LRP1: variants seen among roughly 807,000 people sequenced by gnomAD.
The protein encoded by LRP1 is LDL receptor related protein 1, also known as prolow-density lipoprotein receptor-related protein 1.
In LRP1, 51 loss-of-function variants were observed where a neutral mutation model predicts 541.5. That is an observed-to-expected ratio of 0.09 (90% CI 0.08 to 0.12). The LOEUF (loss-of-function observed/expected upper bound fraction) is 0.12, where lower values mean the gene tolerates loss of function less well. Among genes scored for constraint, LRP1 ranks in the 10% least tolerant of loss-of-function variants. The probability of loss-of-function intolerance (pLI) is 1.00; values close to 1 mark genes in which losing one functional copy is unlikely to be tolerated. For synonymous variants in LRP1, 2,219 were observed against 2,470.8 expected (o/e 0.90, Z 3.02); for missense variants, 3,878 against 6,376.2 (o/e 0.61, Z 13.34).
intron 6 of LRP1, among the ~76,000 whole-genome samples, chr12:57,150,507 A>G (rs2035507092): frequency 6.6e-6 from 1 of 152,018 alleles, no homozygotes; most frequent in Non-Finnish European, 1.5e-5. Context: ...ACTTCCTTCT[A>G]ATAGGGCAAG....
intron 1 of LRP1, among the ~76,000 whole-genome samples, chr12:57,136,623 A>G (rs1015073715): frequency 2.0e-5 from 3 of 152,192 alleles, no homozygotes; most frequent in African/African-American, 7.2e-5. Context: ...ACGAAAGGCC[A>G]GGAGACTGGG....
Position 57,169,212 on chromosome 12 carries a change from A to C in LRP1, c.3068A>C (p.Asn1023Thr). The C allele has an allele frequency of 6.2e-7, 1 of 1,614,068 alleles. No homozygotes were observed. The highest frequency in any genetic ancestry group is 8.5e-7 in the Non-Finnish European group (1 of 1,179,994). The change falls in exon 20 of 89, where the codon AAC (asparagine) becomes ACC (threonine). Residue 1023 changes from asparagine (N) to threonine (T), a missense_variant. Around this residue, in one of 13 missense-constraint regions of LRP1, gnomAD observed 320 missense variants for 547.9 expected, o/e 0.58. Coordinates refer to ENST00000243077, the MANE Select transcript of LRP1 (RefSeq NM_002332.3). ...TGTTCTAGCACCCAGTTCAAGTGCA[A>C]CAGCGGGCGTTGCATCCCCGAGCAC... ...HSCSSTQFKC[N>T]SGRCIPEHWT...
intron 2 of LRP1, among the ~76,000 whole-genome samples, chr12:57,139,899 C>A (rs1262525502): frequency 6.6e-6 from 1 of 152,210 alleles, no homozygotes; most frequent in African/African-American, 2.4e-5. Flanking sequence ...CAGATACACT[C>A]TCACTACCTA....
At chr12:57,194,950 C>A in intron 50 of LRP1, 35 bp from the exon 51 acceptor site, 6 of 1,559,224 alleles carry the variant, frequency 3.8e-6, no homozygotes, top group Non-Finnish European at 5.3e-6. Flanking sequence ...GACCCCCACC[C>A]TTCCCCATCT....
At chr12:57,141,970 C>T (rs2035301953) in intron 3 of LRP1, among the ~76,000 whole-genome samples, 1 of 152,160 alleles carries the variant, frequency 6.6e-6, no homozygotes, top group South Asian at 2.1e-4. Flanking sequence ...GAAGGCATCC[C>T]CCAGGAGCTG....
Position 57,195,764 on chromosome 12 carries a change from T to A in LRP1, c.8544T>A (p.Asp2848Glu). ...ACCGTGACTGTGCAGATGGCTCTGA[T>A]GAGTCCCCCGAGTGTGGTGAGCCTT... Reference protein sequence around the residue: ...DHDRDCADGSDESPECEYPTC... With the variant: ...DHDRDCADGSEESPECEYPTC... The change falls in exon 53 of 89, where the codon GAT becomes GAA. Residue 2848 changes from aspartate (D) to glutamate (E), a missense_variant. Asp to Glu is a conservative substitution (Grantham distance 45). Transcript: ENST00000243077. 1 of 1,614,138 alleles carries A rather than the reference T, an allele frequency of 6.2e-7. No individual in the cohort carries two copies. Among genetic ancestry groups the A allele is most frequent in the Non-Finnish European group, 8.5e-7 (1 of 1,179,980 alleles).
Position 57,156,655 on chromosome 12 carries a change from TA to T in LRP1, c.1418-118del. 2.5e-6 allele frequency: 3 copies of T among 1,199,348 alleles called. No individual in the cohort carries two copies. The highest frequency in any genetic ancestry group is 2.3e-6 in the Non-Finnish European group (2 of 881,998). The allele number at this position is 1,199,348 out of a possible 1,614,324, so 74.3% of individuals were successfully genotyped here. A position where few individuals can be genotyped will look rare whatever the true frequency, so the allele number is the denominator to read the frequency against. On this transcript the variant is annotated intron_variant, in intron 9 of 88. Transcript: ENST00000243077. The surrounding 1 kb of genome is among the most constrained non-coding windows in gnomAD (Gnocchi z 5.2). ...TTCCACCCCTGTGGCTTCCAAATCC[TA>T]AAATGGGATAGCAAGCACAAAGACC...
rs556828264 is a variant in LRP1 at position 57,177,854 on chromosome 12, C to T, written c.4361+263C>T. On this transcript the variant is annotated intron_variant, in intron 26 of 88. Coordinates refer to ENST00000243077, the MANE Select transcript of LRP1 (RefSeq NM_002332.3). The surrounding 1 kb of genome is among the most constrained non-coding windows in gnomAD (Gnocchi z 6.8). ...CATCCTCTCCACTCACCTGTCCTCT[C>T]CACTCTGTTCCCTCTGCTGGGGCTG... Among the ~76,000 whole-genome samples the T allele has an allele frequency of 6.6e-6, 1 of 152,242 alleles. No homozygotes were observed. Among genetic ancestry groups the T allele is most frequent in the East Asian group, 1.9e-4 (1 of 5,178 alleles).
chr12:57,206,390 C>G lies in LRP1; in HGVS notation c.11591-83C>G. On this transcript the variant is annotated intron_variant, in intron 75 of 88. Coordinates refer to ENST00000243077, the MANE Select transcript of LRP1 (RefSeq NM_002332.3). The surrounding 1 kb of genome is among the most constrained non-coding windows in gnomAD (Gnocchi z 4.7). ...CAGATGGTCCTACCAGGAGATGGGACAGTGTTCATGTGAAAGGAGCTGAGC... is the reference window on the plus strand; with the variant it reads ...CAGATGGTCCTACCAGGAGATGGGAGAGTGTTCATGTGAAAGGAGCTGAGC... 7.3e-7 allele frequency: 1 copy of G among 1,377,818 alleles called. No individual in the cohort carries two copies. The allele number at this position is 1,377,818 out of a possible 1,614,324, so 85.3% of individuals were successfully genotyped here. A position where few individuals can be genotyped will look rare whatever the true frequency, so the allele number is the denominator to read the frequency against.
chr12:57,199,743 C>T (rs2036608898), intron 61 of LRP1, 134 bp from the exon 62 acceptor site: 6 of 1,099,624 alleles, frequency 5.5e-6, no homozygotes, highest in South Asian at 1.7e-5. Context: ...GAATCCTCTC[C>T]TATCTCCAGC....
At chr12:57,198,757 A>C in intron 60 of LRP1, 87 bp downstream of exon 60, 2 of 1,300,866 alleles carry the variant, frequency 1.5e-6, no homozygotes, top group Non-Finnish European at 2.1e-6. Flanking sequence ...TTTGGGGGCA[A>C]GAGTGGACAT....
intron 11 of LRP1, among the ~76,000 whole-genome samples, chr12:57,159,046 T>C (rs1385484084): frequency 6.6e-6 from 1 of 152,206 alleles, no homozygotes; most frequent in East Asian, 1.9e-4. Flanking sequence ...CGCCAAAAAC[T>C]GCATGCTAAT....
intron 1 of LRP1, among the ~76,000 whole-genome samples, chr12:57,134,485 T>A (rs2035111912): frequency 6.6e-6 from 1 of 152,202 alleles, no homozygotes; most frequent in Admixed American, 6.5e-5. Context: ...ACAGTCTCAC[T>A]CCATCACCCA....
chr12:57,136,153 GC>G (rs2035159066), intron 1 of LRP1, among the ~76,000 whole-genome samples: 2 of 152,232 alleles, frequency 1.3e-5, no homozygotes, highest in African/African-American at 4.8e-5. Flanking sequence ...AGACCTCACA[GC>G]TGGCCCAGTG....
rs763953812 is a variant in LRP1, at chr12:57,162,864, C to A, written c.2411C>A (p.Thr804Asn). ...CCATGGCCCTTCCCCACAGTTGGCA[C>A]CAACAAATGCCGGGTGAACAATGGC... ...MYDAQQQQVG[T>N]NKCRVNNGGC... Residue 804 changes from threonine to asparagine, a missense_variant, in exon 15 of 89, where the codon ACC becomes AAC. Thr to Asn is a moderately conservative substitution (Grantham distance 65). Coordinates refer to ENST00000243077, the MANE Select transcript of LRP1 (RefSeq NM_002332.3). This position sits in a 1 kb window ranked among gnomAD's most constrained non-coding sequence, Gnocchi z 5.2. 8 of 1,609,240 alleles carry A rather than the reference C, an allele frequency of 5.0e-6. No individual in the cohort carries two copies. The highest frequency in any genetic ancestry group is 6.8e-6 in the Non-Finnish European group (8 of 1,178,194).
chr12:57,197,854 C>T lies in LRP1; in HGVS notation c.9282+190C>T, dbSNP rs1485999218. ...CAAGGACTGGGAGATTCCTCTTGCC[C>T]TTCCCCTCGCTGCCAGCCTCATGTC... is the stretch of plus-strand genomic sequence containing the variant. On this transcript the variant is annotated intron_variant, in intron 58 of 88. Transcript: ENST00000243077. This position sits in a 1 kb window ranked among gnomAD's most constrained non-coding sequence, Gnocchi z 4.5. Among the ~76,000 whole-genome samples the T allele has an allele frequency of 6.6e-6, 1 of 152,192 alleles. No individual in the cohort carries two copies. Among genetic ancestry groups the T allele is most frequent in the African/African-American group, 2.4e-5 (1 of 41,454 alleles).
chr12:57,208,861 C>T lies in LRP1; in HGVS notation c.12145+44C>T, dbSNP rs186351317. 120 of 1,497,122 alleles carry T rather than the reference C, an allele frequency of 8.0e-5. No individual in the cohort carries two copies. In the East Asian group the frequency reaches 9.7e-4, roughly 12 times the overall value. The allele number at this position is 1,497,122 out of a possible 1,614,324, so 92.7% of individuals were successfully genotyped here. A position where few individuals can be genotyped will look rare whatever the true frequency, so the allele number is the denominator to read the frequency against. ...AGGAGGGACGGGCATGGAGGGGGCC[C>T]GGCTCGCAGAGCCCAGCTGCTGCTG... is the stretch of plus-strand genomic sequence containing the variant. On this transcript the variant is annotated intron_variant, in intron 78 of 88. Coordinates refer to ENST00000243077, the MANE Select transcript of LRP1 (RefSeq NM_002332.3).
intron 1 of LRP1, among the ~76,000 whole-genome samples, chr12:57,135,642 C>T (rs1186196985): frequency 6.6e-6 from 1 of 152,216 alleles, no homozygotes; most frequent in African/African-American, 2.4e-5. Context: ...GCCAGGCCCT[C>T]GGGAGATGTG....
chr12:57,167,111 G>T (rs1194628336), intron 18 of LRP1, 65 bp downstream of exon 18: 4 of 1,384,198 alleles, frequency 2.9e-6, no homozygotes, highest in Non-Finnish European at 4.1e-6. Context: ...GAGCATGCCA[G>T]TTGGGGGTGC....
Sources: allele counts gnomAD v4.1 joint callset (sites outside exome capture counted in the v4.1 genomes callset), GRCh38; gene constraint gnomAD v4.1.1; regional missense constraint gnomAD v4.1.1; non-coding constraint Gnocchi (gnomAD v3.1); transcripts MANE v1.5; gene names NCBI Gene and HGNC (gene_info 2026-07-23, HGNC 2026-07-21).